The following ESCO1 variants were observed in gnomAD, a reference collection of about 807,000 sequenced individuals.
ESCO1 encodes N-acetyltransferase ESCO1.
ESCO1 carries 33 observed loss-of-function variants against 83.5 expected under a neutral mutation model. The observed-to-expected ratio is 0.40, with a 90% CI of 0.30 to 0.53. The LOEUF is 0.53. ESCO1 is among the 20% of genes least tolerant of loss of function. The pLI is 0.63. For synonymous variants in ESCO1, 332 were observed against 324.3 expected (o/e 1.02, Z -0.25); for missense variants, 855 against 968.0 (o/e 0.88, Z 1.55).
intron 1 of ESCO1, among the ~76,000 whole-genome samples, chr18:21,596,477 A>G (rs2038768999): frequency 1.3e-5 from 2 of 152,296 alleles, no homozygotes; most frequent in Non-Finnish European, 1.5e-5. Flanking sequence ...CTTAAGTGTT[A>G]GCTATAATAA....
Position 21,544,143 on chromosome 18 carries a change from G to A in ESCO1, c.1954-4134C>T, listed in dbSNP as rs529903305. Among the ~76,000 whole-genome samples, 7 of 152,046 alleles carry A rather than the reference G, an allele frequency of 4.6e-5. No individual in the cohort carries two copies. In the South Asian group the frequency reaches 6.2e-4, roughly 14 times the overall value. On this transcript the variant is annotated intron_variant, in intron 8 of 11. Coordinates refer to ENST00000269214, the MANE Select transcript of ESCO1 (RefSeq NM_052911.3). ...AAAAAAATTAGCTGGGTGTGGTGGT[G>A]CACGCCTGTAGTCCCAGCTACTTGG... is the stretch of plus-strand genomic sequence containing the variant.
intron 8 of ESCO1, among the ~76,000 whole-genome samples, chr18:21,556,346 T>C (rs530118620): frequency 2.6e-4 from 39 of 152,344 alleles, no homozygotes; most frequent in Non-Finnish European, 4.1e-4. Flanking sequence ...CAGTTTCCTC[T>C]TTTTCCTAAC....
chr18:21,567,247 C>T (rs988092011), intron 5 of ESCO1, among the ~76,000 whole-genome samples: 1 of 152,126 alleles, frequency 6.6e-6, no homozygotes. Flanking sequence ...ATCTCTGCCT[C>T]CCAGGTTCAA....
chr18:21,587,066 T>A (rs1364194048), intron 1 of ESCO1, among the ~76,000 whole-genome samples: 1 of 152,236 alleles, frequency 6.6e-6, no homozygotes. Context: ...CTGAACCAAC[T>A]GTGCACTGCA....
Position 21,595,312 on chromosome 18 carries a change from C to T in ESCO1, c.-825+5311G>A, listed in dbSNP as rs1260507747. Among the ~76,000 whole-genome samples the T allele has an allele frequency of 4.1e-5, 6 of 146,688 alleles. No homozygotes were observed. In the South Asian group the frequency reaches 8.6e-4, roughly 21 times the overall value. ...TAATACTTGGCCGGGCATGGTGAGC[C>T]GAGATCACGCCACTGCACTCCAGCC... On this transcript the variant is annotated intron_variant, in intron 1 of 11. Transcript: ENST00000269214.
chr18:21,563,489 AGGCATCT>A lies in ESCO1; in HGVS notation c.1821+707_1821+713del, dbSNP rs2038216688. Among the ~76,000 whole-genome samples the A allele has an allele frequency of 2.6e-5, 4 of 152,240 alleles. No homozygotes were observed. The South Asian group carries it at 8.3e-4, about 32-fold the overall frequency. On this transcript the variant is annotated intron_variant, in intron 7 of 11. Coordinates refer to ENST00000269214, the MANE Select transcript of ESCO1 (RefSeq NM_052911.3). ...CAGATTCCTAAGTAGCTGGGATTAC[AGGCATCT>A]GCCACCACGCCTGGCTAATTTTTGC...
chr18:21,533,855 G>C (rs2037798512), intron 10 of ESCO1, among the ~76,000 whole-genome samples: 1 of 151,934 alleles, frequency 6.6e-6, no homozygotes, highest in South Asian at 2.1e-4. Context: ...ATTATAGCAA[G>C]GTTCATAAGC....
chr18:21,543,315 G>A lies in ESCO1; in HGVS notation c.1954-3306C>T, dbSNP rs1028055205. Among the ~76,000 whole-genome samples the A allele has an allele frequency of 1.1e-4, 16 of 151,950 alleles. 1 individual carries two copies. The highest frequency in any genetic ancestry group is 2.7e-4 in the African/African-American group (11 of 41,380). On this transcript the variant is annotated intron_variant, in intron 8 of 11. Transcript: ENST00000269214. Reference sequence around the variant, plus strand: ...GATCACAGGCATGTGCCACCACGCCGAGCTGATTTTTTTTGTATTTTTAGT... The same window carrying A: ...GATCACAGGCATGTGCCACCACGCCAAGCTGATTTTTTTTGTATTTTTAGT...
In ESCO1 at chr18:21,574,474, T is replaced by G; in HGVS notation, c.370A>C (p.Arg124=). ...GAAACCTCTGTTAATTGTTGTAGCC[T>G]TTGTGATCTCCGGTTAAGCTGTTCA... The part of the protein sequence containing the change: ...ANEQLNRRSQ[R]LQQLTEVSRR... The change falls in exon 4 of 12, where the codon AGG becomes CGG. Residue 124 remains arginine, a synonymous_variant. Transcript: ENST00000269214. 6.2e-7 allele frequency: 1 copy of G among 1,614,162 alleles called. No individual in the cohort carries two copies. Among genetic ancestry groups the G allele is most frequent in the African/African-American group, 1.3e-5 (1 of 75,050 alleles).
chr18:21,595,591 C>G (rs2038753377), intron 1 of ESCO1, among the ~76,000 whole-genome samples: 2 of 151,390 alleles, frequency 1.3e-5, no homozygotes, highest in African/African-American at 4.9e-5. Flanking sequence ...ATGGCTGAAC[C>G]CGGGAGGCAG....
Position 21,573,695 on chromosome 18 carries a change from G to A in ESCO1, c.1149C>T (p.Ser383=), listed in dbSNP as rs779968978. 1 of 1,614,114 alleles carries A rather than the reference G, an allele frequency of 6.2e-7. No homozygotes were observed. The highest frequency in any genetic ancestry group is 8.5e-7 in the Non-Finnish European group (1 of 1,180,026). ...PVKCILNGIN[S]SAKKNSNWTK... ...TCCAGTTGGAGTTCTTCTTGGCTGA[G>A]CTGTTTATTCCATTTAGTATACATT... The change falls in exon 4 of 12, where the codon AGC becomes AGT. Residue 383 remains serine, a synonymous_variant. Transcript: ENST00000269214.
chr18:21,531,357 G>A (rs1337137983), intron 11 of ESCO1, among the ~76,000 whole-genome samples: 2 of 152,134 alleles, frequency 1.3e-5, no homozygotes, highest in African/African-American at 4.8e-5. Context: ...GATTTCCTGA[G>A]CCCAGGATGT....
chr18:21,575,651 TA>T lies in ESCO1; in HGVS notation c.-588+20del, dbSNP rs1466578005. ...AGCATAGAATAGTTGAAAATCAGTGTATTCCTTGAGGTTTACTTACAGTTTT... is the reference window on the plus strand; with the variant it reads ...AGCATAGAATAGTTGAAAATCAGTGTTTCCTTGAGGTTTACTTACAGTTTT... On this transcript the variant is annotated intron_variant, in intron 3 of 11. Transcript: ENST00000269214. The T allele has an allele frequency of 2.5e-6, 1 of 398,264 alleles. No individual in the cohort carries two copies. Among genetic ancestry groups the T allele is most frequent in the East Asian group, 3.6e-5 (1 of 28,006 alleles). 24.7% of individuals were successfully genotyped at this position (398,264 alleles called of 1,614,324 possible).
intron 2 of ESCO1, among the ~76,000 whole-genome samples, chr18:21,583,346 GA>G (rs371164834): frequency 2.9e-4 from 43 of 146,556 alleles, no homozygotes; most frequent in African/African-American, 8.8e-4. Context: ...ATAAAAAAAA[GA>G]AAAAAAAAAT....
At chr18:21,582,549 T>C (rs2038517186) in intron 2 of ESCO1, among the ~76,000 whole-genome samples, 1 of 152,178 alleles carries the variant, frequency 6.6e-6, no homozygotes, top group Admixed American at 6.6e-5. Flanking sequence ...AATATTTGTT[T>C]TCACGTGAGA....
Position 21,552,449 on chromosome 18 carries a change from G to T in ESCO1, c.1953+8410C>A, listed in dbSNP as rs61475948. Reference sequence around the variant, plus strand: ...ATAAGGGGGTTTTCCCCGTTTGCTCGGCACTTCTCTCTCCTGACACCATGT... The same window carrying T: ...ATAAGGGGGTTTTCCCCGTTTGCTCTGCACTTCTCTCTCCTGACACCATGT... On this transcript the variant is annotated intron_variant, in intron 8 of 11. Transcript: ENST00000269214. Among the ~76,000 whole-genome samples, 1,214 of 152,180 alleles carry T rather than the reference G, an allele frequency of 8.0e-3. 19 individuals are homozygous for T. Among genetic ancestry groups the T allele is most frequent in the African/African-American group, 0.028 (1,169 of 41,516 alleles).
intron 11 of ESCO1, among the ~76,000 whole-genome samples, chr18:21,531,632 A>C (rs772508187): frequency 1.3e-5 from 2 of 151,732 alleles, no homozygotes; most frequent in African/African-American, 2.4e-5. Context: ...CAGCCTGGGG[A>C]ACATGGCAAA....
chr18:21,565,097 A>G (rs748650807), intron 6 of ESCO1, among the ~76,000 whole-genome samples: 65 of 152,076 alleles, frequency 4.3e-4, no homozygotes, highest in Non-Finnish European at 8.1e-4. Context: ...TAATAAAAAT[A>G]AAGGGGGAAA....
chr18:21,540,284 T>A (rs2037889630), intron 8 of ESCO1, among the ~76,000 whole-genome samples: 1 of 152,210 alleles, frequency 6.6e-6, no homozygotes, highest in Non-Finnish European at 1.5e-5. Flanking sequence ...TTTCCCGTTT[T>A]AAATTAATTT....
Sources: gnomAD v4.1 joint callset for allele counts (sites outside exome capture counted in the v4.1 genomes callset) on GRCh38, gnomAD v4.1.1 for gene constraint, MANE v1.5 for transcripts, NCBI Gene and HGNC (gene_info 2026-07-23, HGNC 2026-07-21) for gene names.